Variants in ATP2A1 observed in about 807,000 individuals in gnomAD.
ATP2A1 encodes sarcoplasmic/endoplasmic reticulum calcium ATPase 1.
In ATP2A1, 83 loss-of-function variants were observed where a neutral mutation model predicts 109.5. The ratio of observed to expected loss-of-function variants is 0.76; its 90% confidence interval spans 0.63 to 0.91. The LOEUF is 0.91. ATP2A1 is among the 40% of genes least tolerant of loss of function. ATP2A1 has a pLI of 0.00. For synonymous variants in ATP2A1, 505 were observed against 537.6 expected (o/e 0.94, Z 0.84); for missense variants, 1,101 against 1,341.0 (o/e 0.82, Z 2.80).
rs2152196199 is a variant in ATP2A1, at chr16:28,879,128, G to A, written c.136+12G>A. 1 of 1,614,016 alleles carries A rather than the reference G, an allele frequency of 6.2e-7. No homozygotes were observed. Among genetic ancestry groups the A allele is most frequent in the Non-Finnish European group, 8.5e-7 (1 of 1,179,976 alleles). On this transcript the variant is annotated intron_variant, in intron 2 of 22. Coordinates refer to ENST00000395503, the MANE Select transcript of ATP2A1 (RefSeq NM_004320.6). ...CCCTGCTGAGGAAGGTAAGTTACTG[G>A]AATCCCTGAACTCTCATAAATGACC... is the stretch of plus-strand genomic sequence containing the variant.
At chr16:28,904,050 G>T in intron 22 of ATP2A1, 130 bp from the exon 23 acceptor site, 1 of 890,122 alleles carries the variant, frequency 1.1e-6, no homozygotes, top group South Asian at 1.4e-5. Context: ...GGACGCAGGT[G>T]AGTAGGGGAG....
chr16:28,881,762 A>ATT (rs1963488816), intron 4 of ATP2A1, among the ~76,000 whole-genome samples: 1 of 150,104 alleles, frequency 6.7e-6, no homozygotes, highest in Admixed American at 6.7e-5. Context: ...AGATTGCACA[A>ATT]TTGCACTCCA....
chr16:28,888,413 T>C (rs920104237), intron 8 of ATP2A1, among the ~76,000 whole-genome samples: 2 of 151,936 alleles, frequency 1.3e-5, no homozygotes, highest in African/African-American at 4.8e-5. Context: ...CATTATTGTT[T>C]GTTTGTTTAA....
chr16:28,904,404 G>A lies in ATP2A1; in HGVS notation c.*262G>A, dbSNP rs1281209557. On this transcript the variant is annotated 3_prime_UTR_variant, in exon 23 of 23. Coordinates refer to ENST00000395503, the MANE Select transcript of ATP2A1 (RefSeq NM_004320.6). ...CCTTCCCAACCCCGAGGGGCTTGCA[G>A]GGACAAGGCGACCGACTGCGCTGAG... The A allele has an allele frequency of 6.5e-7, 1 of 1,535,012 alleles. No individual in the cohort carries two copies. Among genetic ancestry groups the A allele is most frequent in the African/African-American group, 1.4e-5 (1 of 73,002 alleles).
At position 28,902,632 on chromosome 16, in the gene ATP2A1, T is replaced by C; in HGVS notation, c.2577T>C (p.Ala859=). The C allele has an allele frequency of 6.2e-7, 1 of 1,613,962 alleles. No homozygotes were observed. The highest frequency in any genetic ancestry group is 8.5e-7 in the Non-Finnish European group (1 of 1,179,954). ...VGAAAWWFLY[A]EDGPHVNYSQ... The stretch of plus-strand genomic sequence containing the variant: ...CAGCTGCCTGGTGGTTCCTGTACGC[T>C]GAGGATGGGCCTCATGTCAACTACA... Residue 859 remains alanine (A), a synonymous_variant, in exon 18 of 23, where the codon GCT becomes GCC. Coordinates refer to ENST00000395503, the MANE Select transcript of ATP2A1 (RefSeq NM_004320.6). The surrounding 1 kb of genome is among the most constrained non-coding windows in gnomAD (Gnocchi z 4.8).
rs761201498 is a variant in ATP2A1 at position 28,887,665 on chromosome 16, G to A, written c.871G>A (p.Gly291Arg). Reference protein sequence around the residue: ...DPVHGGSWFRGAIYYFKIAVA... With the variant: ...DPVHGGSWFRRAIYYFKIAVA... ...CGTCCATGGGGGCTCCTGGTTCCGC[G>A]GGGCCATCTACTACTTTAAGATTGC... is the stretch of plus-strand genomic sequence containing the variant. Residue 291 changes from glycine to arginine, a missense_variant, in exon 8 of 23, where the codon GGG (glycine) becomes AGG (arginine). By Grantham distance (125) the Gly-to-Arg change is moderately radical. Coordinates refer to ENST00000395503, the MANE Select transcript of ATP2A1 (RefSeq NM_004320.6). 3.1e-5 allele frequency: 50 copies of A among 1,613,990 alleles called. No homozygotes were observed. Among genetic ancestry groups the A allele is most frequent in the Non-Finnish European group, 4.0e-5 (47 of 1,180,032 alleles).
Position 28,879,532 on chromosome 16 carries a change from G to C in ATP2A1, c.168G>C (p.Gln56His), listed in dbSNP as rs1159256839. 1 of 1,614,202 alleles carries C rather than the reference G, an allele frequency of 6.2e-7. No homozygotes were observed. The highest frequency in any genetic ancestry group is 8.5e-7 in the Non-Finnish European group (1 of 1,180,026). Residue 56 changes from glutamine to histidine, a missense_variant, in exon 3 of 23, where the codon CAG (glutamine) becomes CAC (histidine). Physicochemically the swap from Gln to His is conservative, Grantham distance 24 (BLOSUM62 0). Coordinates refer to ENST00000395503, the MANE Select transcript of ATP2A1 (RefSeq NM_004320.6). ...CCCTGTGGGAGCTGGTGATAGAGCA[G>C]TTTGAAGACCTCCTGGTGCGGATTC... ...GKTLWELVIE[Q>H]FEDLLVRILL... is the part of the protein sequence containing the mutation.
At chr16:28,897,909 G>T in intron 12 of ATP2A1, 91 bp from the exon 13 acceptor site, 2 of 1,519,568 alleles carry the variant, frequency 1.3e-6, no homozygotes, top group African/African-American at 2.7e-5. Context: ...CTTAGTGTTA[G>T]TCTCAGCCTT....
rs970899938 is a variant in ATP2A1, at chr16:28,902,690, GACCAGGAGGGTGTGGGGATGCAGGAGGGT to G, written c.2610+38_2611-47del. On this transcript the variant is annotated intron_variant, in intron 18 of 22. Transcript: ENST00000395503. This position sits in a 1 kb window ranked among gnomAD's most constrained non-coding sequence, Gnocchi z 4.8. Reference sequence around the variant, plus strand: ...GGTAGGGGGAGGCCACAAAGGAGGGGACCAGGAGGGTGTGGGGATGCAGGAGGGTACCAGGAGGGTGGCATGGAGGTGGC... The same window carrying G: ...GGTAGGGGGAGGCCACAAAGGAGGGGACCAGGAGGGTGGCATGGAGGTGGC... The G allele has an allele frequency of 4.3e-6, 7 of 1,613,992 alleles. No homozygotes were observed. Among genetic ancestry groups the G allele is most frequent in the Non-Finnish European group, 5.1e-6 (6 of 1,179,934 alleles).
At chr16:28,890,292 CAA>C (rs767608802) in intron 9 of ATP2A1, among the ~76,000 whole-genome samples, 23 of 74,378 alleles carry the variant, frequency 3.1e-4, no homozygotes, top group African/African-American at 4.9e-4. Context: ...CCGTCTCTAC[CAA>C]AAAAAAAAAA....
chr16:28,896,405 T>G (rs1963917815), intron 12 of ATP2A1, among the ~76,000 whole-genome samples: 1 of 151,816 alleles, frequency 6.6e-6, no homozygotes, highest in South Asian at 2.1e-4. Flanking sequence ...TTTCTGTATT[T>G]TTAGTAGAGA....
rs1181408230 is a variant in ATP2A1, at chr16:28,879,093, G to A, written c.119-6G>A. On this transcript the variant is annotated splice_polypyrimidine_tract_variant and splice_region_variant and intron_variant, in intron 1 of 22. Coordinates refer to ENST00000395503, the MANE Select transcript of ATP2A1 (RefSeq NM_004320.6). ...AATCTGTCCTTTTCTTCTTTTTCCT[G>A]GGTAGAGCTCCCTGCTGAGGAAGGT... 4 of 1,613,906 alleles carry A rather than the reference G, an allele frequency of 2.5e-6. No homozygotes were observed. In the African/African-American group the frequency reaches 4.0e-5, roughly 16 times the overall value.
chr16:28,894,974 C>A (rs1177803777), intron 12 of ATP2A1, 21 bp downstream of exon 12: 1 of 1,609,582 alleles, frequency 6.2e-7, no homozygotes, highest in Non-Finnish European at 8.5e-7. Flanking sequence ...GGAGCCCCTG[C>A]CACAGGGCCG....
rs979410737 is a variant in ATP2A1, at chr16:28,880,035, C to A, written c.219+452C>A. Reference sequence around the variant, plus strand: ...ACGCTGATTGGTCGAGGGGAGGACTCGCTCCTAGTGGCGGGAAAGCGCGGC... The same window carrying A: ...ACGCTGATTGGTCGAGGGGAGGACTAGCTCCTAGTGGCGGGAAAGCGCGGC... On this transcript the variant is annotated intron_variant, in intron 3 of 22. Transcript: ENST00000395503. The surrounding 1 kb of genome is among the most constrained non-coding windows in gnomAD (Gnocchi z 4.2). The A allele has an allele frequency of 1.3e-5, 13 of 1,005,396 alleles. No individual in the cohort carries two copies. In the African/African-American group the frequency reaches 2.3e-4, roughly 18 times the overall value. 62.3% of individuals were successfully genotyped at this position (1,005,396 alleles called of 1,614,324 possible). A position where few individuals can be genotyped will look rare whatever the true frequency, so the allele number is the denominator to read the frequency against.
chr16:28,903,204 C>A lies in ATP2A1; in HGVS notation c.2862+57C>A, dbSNP rs530919434. 2.5e-6 allele frequency: 4 copies of A among 1,596,418 alleles called. No individual in the cohort carries two copies. Among genetic ancestry groups the A allele is most frequent in the African/African-American group, 2.7e-5 (2 of 74,642 alleles). On this transcript the variant is annotated intron_variant, in intron 20 of 22. Transcript: ENST00000395503. The surrounding 1 kb of genome is among the most constrained non-coding windows in gnomAD (Gnocchi z 5.6). ...CCAGCACTGGGGAGCCCACGGCGGGCCCATGACCACTCCCACCAGGGGCGC... is the reference window on the plus strand; with the variant it reads ...CCAGCACTGGGGAGCCCACGGCGGGACCATGACCACTCCCACCAGGGGCGC...
At chr16:28,879,825 A>C in intron 3 of ATP2A1, 1 of 626,444 alleles carries the variant, frequency 1.6e-6, no homozygotes, top group Non-Finnish European at 2.6e-6. Context: ...AAGCTAAGCC[A>C]CCCTCGCGGC....
chr16:28,900,541 A>G (rs1301962001), intron 14 of ATP2A1, 40 bp from the exon 15 acceptor site: 21 of 1,514,720 alleles, frequency 1.4e-5, no homozygotes, highest in Non-Finnish European at 1.8e-5. Flanking sequence ...AGTTTTCCAG[A>G]TCCCCACCTG....
In ATP2A1 at chr16:28,887,480, G is replaced by T; in HGVS notation, c.686G>T (p.Gly229Val). The change falls in exon 8 of 23, where the codon GGC (glycine) becomes GTC (valine). Residue 229 changes from glycine (G) to valine (V), a missense_variant. Coordinates refer to ENST00000395503, the MANE Select transcript of ATP2A1 (RefSeq NM_004320.6). ...ALGIVATTGVGTEIGKIRDQM... is the reference protein window; with the variant it reads ...ALGIVATTGVVTEIGKIRDQM... Reference sequence around the variant, plus strand: ...GGCATCGTGGCCACCACTGGTGTGGGCACCGAGATTGGGAAGATCCGAGAC... The same window carrying T: ...GGCATCGTGGCCACCACTGGTGTGGTCACCGAGATTGGGAAGATCCGAGAC... 2 of 1,613,968 alleles carry T rather than the reference G, an allele frequency of 1.2e-6. No individual in the cohort carries two copies. Among genetic ancestry groups the T allele is most frequent in the Non-Finnish European group, 1.7e-6 (2 of 1,179,990 alleles).
intron 2 of ATP2A1, 131 bp downstream of exon 2, chr16:28,879,247 A>C: frequency 3.3e-6 from 4 of 1,221,744 alleles, no homozygotes; most frequent in Non-Finnish European, 4.8e-6. Flanking sequence ...TCCCTCCCTA[A>C]AGGTTAGAGT....
Sources: gnomAD v4.1 joint callset for allele counts (sites outside exome capture counted in the v4.1 genomes callset) on GRCh38, gnomAD v4.1.1 for gene constraint, Gnocchi (gnomAD v3.1) non-coding constraint, MANE v1.5 for transcripts, NCBI Gene and HGNC (gene_info 2026-07-23, HGNC 2026-07-21) for gene names.